ATOSB: variants seen among roughly 807,000 people sequenced by gnomAD.
ATOSB encodes the protein atos homolog B.
At chr9:35,112,719 G>A in the ATOSB span, among the ~76,000 whole-genome samples, 4 of 152,130 alleles carry the variant, frequency 2.6e-5, no homozygotes, top group South Asian at 4.2e-4. Flanking sequence ...TTTTTCTCCC[G>A]GTCCTTCACA....
the ATOSB span, among the ~76,000 whole-genome samples, chr9:35,112,997 A>T: frequency 7.9e-5 from 12 of 151,868 alleles, no homozygotes; most frequent in Non-Finnish European, 1.5e-5. Flanking sequence ...CAAGAGGAAA[A>T]CTCTGAATAA....
chr9:35,107,764 G>A, the ATOSB span: 1 of 1,566,308 alleles, frequency 6.4e-7, no homozygotes, highest in Non-Finnish European at 8.6e-7. Flanking sequence ...GACTCCCCCA[G>A]GGACCCCTGT....
the ATOSB span, among the ~76,000 whole-genome samples, chr9:35,113,513 A>C: frequency 6.6e-6 from 1 of 152,104 alleles, no homozygotes; most frequent in African/African-American, 2.4e-5. Flanking sequence ...AATCCCAGCT[A>C]CTCAGGAGGC....
chr9:35,108,198 C>T, the ATOSB span: 2 of 1,595,846 alleles, frequency 1.3e-6, no homozygotes, highest in Non-Finnish European at 8.5e-7. Context: ...CTGGAGGGCC[C>T]CCTGCCTGAC....
At chr9:35,107,319 CAAAAAAAAAAAA>C in the ATOSB span, 11 of 1,161,264 alleles carry the variant, frequency 9.5e-6, no homozygotes, top group Admixed American at 7.3e-5. Context: ...GATCCCATCT[CAAAAAAAAAAAA>C]AAAAAAAAAA....
the ATOSB span, chr9:35,108,422 C>A: frequency 7.1e-6 from 10 of 1,404,106 alleles, no homozygotes; most frequent in Non-Finnish European, 9.2e-6. Flanking sequence ...GAGTTTCAGA[C>A]CCTCTCCTTG....
the ATOSB span, chr9:35,106,559 A>T: frequency 6.3e-7 from 1 of 1,575,710 alleles, no homozygotes; most frequent in South Asian, 1.2e-5. This position sits in a 1 kb window ranked among gnomAD's most constrained non-coding sequence, Gnocchi z 4.6. Flanking sequence ...CCAGCAGGGT[A>T]CGGCTGACAG....
At chr9:35,111,864 C>T in the ATOSB span, among the ~76,000 whole-genome samples, 1 of 152,192 alleles carries the variant, frequency 6.6e-6, no homozygotes. Flanking sequence ...CCATTTAACC[C>T]TTTCAAAGGC....
the ATOSB span, chr9:35,104,911 G>A: frequency 1.1e-5 from 3 of 262,226 alleles, no homozygotes; most frequent in Non-Finnish European, 2.1e-5. Flanking sequence ...CCCTGCCCAG[G>A]ACAGGGAGGC....
chr9:35,108,411 TGA>T, the ATOSB span: 12 of 1,408,852 alleles, frequency 8.5e-6, no homozygotes, highest in Non-Finnish European at 1.1e-5. Context: ...TCCTTCCAGC[TGA>T]GTTTCAGACC....
chr9:35,105,714 G>C, the ATOSB span: 1 of 1,613,942 alleles, frequency 6.2e-7, no homozygotes, highest in Non-Finnish European at 8.5e-7. This position sits in a 1 kb window ranked among gnomAD's most constrained non-coding sequence, Gnocchi z 5.5. Flanking sequence ...GGAGGCGGTG[G>C]GTGGGGTTAG....
At chr9:35,112,126 C>T in the ATOSB span, among the ~76,000 whole-genome samples, 1 of 152,190 alleles carries the variant, frequency 6.6e-6, no homozygotes, top group Admixed American at 6.5e-5. Context: ...AGAAAAAGGC[C>T]TGAGGTGGGA....
the ATOSB span, among the ~76,000 whole-genome samples, chr9:35,112,915 A>G: frequency 6.6e-6 from 1 of 152,028 alleles, no homozygotes; most frequent in Non-Finnish European, 1.5e-5. Flanking sequence ...TCAGTCCTAG[A>G]CTTGGGAGAC....
chr9:35,106,339 A>G, the ATOSB span: 1 of 1,614,204 alleles, frequency 6.2e-7, no homozygotes, highest in Non-Finnish European at 8.5e-7. This position sits in a 1 kb window ranked among gnomAD's most constrained non-coding sequence, Gnocchi z 4.6. Context: ...AGTATGACCC[A>G]CTAGCTCCAA....
At chr9:35,106,616 C>T in the ATOSB span, 4 of 1,559,028 alleles carry the variant, frequency 2.6e-6, no homozygotes, top group South Asian at 2.4e-5. The surrounding 1 kb of genome is among the most constrained non-coding windows in gnomAD (Gnocchi z 4.6). Context: ...GCAGGCCTGG[C>T]CCCTTCCGGA....
At chr9:35,113,481 G>T in the ATOSB span, among the ~76,000 whole-genome samples, 4 of 152,178 alleles carry the variant, frequency 2.6e-5, no homozygotes, top group Admixed American at 2.0e-4. Context: ...AAAATTAGCT[G>T]AGTGTGGTGG....
At chr9:35,105,500 T>G in the ATOSB span, 1 of 1,222,742 alleles carries the variant, frequency 8.2e-7, no homozygotes, top group Non-Finnish European at 1.1e-6. The surrounding 1 kb of genome is among the most constrained non-coding windows in gnomAD (Gnocchi z 5.5). Context: ...GAGACCAGCC[T>G]AAGCAACATA....
chr9:35,108,218 T>C, the ATOSB span: 70 of 1,587,718 alleles, frequency 4.4e-5, no homozygotes, highest in Non-Finnish European at 5.8e-5. Flanking sequence ...CTGGAGGCTG[T>C]GAAGGGCCAG....
At chr9:35,108,299 C>A in the ATOSB span, 56 of 1,515,430 alleles carry the variant, frequency 3.7e-5, no homozygotes, top group Non-Finnish European at 4.6e-5. Flanking sequence ...GTCAGGGGGG[C>A]CCCCCAACAC....
Sources: allele counts gnomAD v4.1 joint callset (sites outside exome capture counted in the v4.1 genomes callset), GRCh38; gene constraint gnomAD v4.1.1; non-coding constraint Gnocchi (gnomAD v3.1); transcripts MANE v1.5; gene names NCBI Gene and HGNC (gene_info 2026-07-23, HGNC 2026-07-21).